The following PRKAG2 variants were observed in gnomAD, a reference collection of about 807,000 sequenced individuals.
PRKAG2 encodes the protein protein kinase AMP-activated non-catalytic subunit gamma 2.
A neutral mutation model predicts 69.6 loss-of-function variants in PRKAG2; 26 were observed. That is an observed-to-expected ratio of 0.37 (90% confidence interval 0.27 to 0.52). The LOEUF is 0.52. PRKAG2 is among the 20% of genes least tolerant of loss of function. The pLI, the probability that PRKAG2 is intolerant of heterozygous loss-of-function variation, is 0.90. For missense variants in PRKAG2, 557 were observed against 740.0 expected, an observed-to-expected ratio of 0.75 and a Z score of 2.87; for synonymous variants, 293 against 285.0, an observed-to-expected ratio of 1.03 and a Z score of -0.28.
chr7:151,600,945 G>C (rs148339390), intron 5 of PRKAG2, among the ~76,000 whole-genome samples: 2 of 152,168 alleles, frequency 1.3e-5, no homozygotes, highest in Non-Finnish European at 2.9e-5. Flanking sequence ...TGAGGAAACC[G>C]AGGCTAGGAG....
intron 1 of PRKAG2, among the ~76,000 whole-genome samples, chr7:151,808,232 A>G (rs2078222590): frequency 6.6e-6 from 1 of 152,254 alleles, no homozygotes; most frequent in South Asian, 2.1e-4. Context: ...GTTTGTCGAC[A>G]GTATTCCAGA....
intron 3 of PRKAG2, among the ~76,000 whole-genome samples, chr7:151,738,598 T>C (rs1353691104): frequency 6.6e-6 from 1 of 152,286 alleles, no homozygotes; most frequent in Non-Finnish European, 1.5e-5. Context: ...AACAATAGCA[T>C]GAGCGATCTG....
At chr7:151,865,715 G>T (rs1022996126) in intron 1 of PRKAG2, among the ~76,000 whole-genome samples, 12 of 152,224 alleles carry the variant, frequency 7.9e-5, no homozygotes, top group Admixed American at 5.2e-4. Flanking sequence ...ACCAGAGACT[G>T]GAACCTATGA....
Position 151,632,275 on chromosome 7 carries a change from A to T in PRKAG2, c.685-137T>A. The T allele has an allele frequency of 3.0e-6, 3 of 1,010,806 alleles. No homozygotes were observed. The highest frequency in any genetic ancestry group is 3.5e-6 in the Non-Finnish European group (3 of 845,710). 62.6% of individuals were successfully genotyped at this position (1,010,806 alleles called of 1,614,324 possible). On this transcript the variant is annotated intron_variant, in intron 4 of 15. Transcript: ENST00000287878. The surrounding 1 kb of genome is among the most constrained non-coding windows in gnomAD (Gnocchi z 4.2). The stretch of plus-strand genomic sequence containing the variant: ...GAGGGGCCTGGCAGGGGACGCGGGC[A>T]GCGGGGGCCGGGGGCGGAGCGGGAG...
chr7:151,685,937 A>G (rs1035938826), intron 3 of PRKAG2, among the ~76,000 whole-genome samples: 3 of 152,200 alleles, frequency 2.0e-5, no homozygotes, highest in African/African-American at 7.2e-5. Flanking sequence ...TGTCTTGAAT[A>G]GCTGGCTTAA....
intron 1 of PRKAG2, among the ~76,000 whole-genome samples, chr7:151,875,524 C>T (rs1353415245): frequency 6.6e-6 from 1 of 151,602 alleles, no homozygotes; most frequent in East Asian, 1.9e-4. Flanking sequence ...CCCACCCTGC[C>T]CCGGGAGAGC....
intron 3 of PRKAG2, among the ~76,000 whole-genome samples, chr7:151,735,400 C>G (rs1799614117): frequency 6.6e-6 from 1 of 152,132 alleles, no homozygotes; most frequent in East Asian, 1.9e-4. Context: ...CCAGGGAGAC[C>G]ACAATGCAAG....
At chr7:151,768,172 AAGG>A (rs1017044580) in intron 3 of PRKAG2, among the ~76,000 whole-genome samples, 1 of 152,148 alleles carries the variant, frequency 6.6e-6, no homozygotes, top group Non-Finnish European at 1.5e-5. Context: ...AGCCATCATC[AAGG>A]AGGAGGTTTC....
chr7:151,695,492 G>A (rs1209054439), intron 3 of PRKAG2, among the ~76,000 whole-genome samples: 1 of 152,200 alleles, frequency 6.6e-6, no homozygotes, highest in African/African-American at 2.4e-5. Context: ...ACTTTCTCGT[G>A]TGGGTGCCCT....
rs567553733 is a variant in PRKAG2 at position 151,865,888 on chromosome 7, C to T, written c.114+10619G>A. ...ACAAAAAATTAGCTGGGTGTGGTGGCGGGCGCCCGTAGACCCAGCTACTCG... is the reference window on the plus strand; with the variant it reads ...ACAAAAAATTAGCTGGGTGTGGTGGTGGGCGCCCGTAGACCCAGCTACTCG... On this transcript the variant is annotated intron_variant, in intron 1 of 15. Coordinates refer to ENST00000287878, the MANE Select transcript of PRKAG2 (RefSeq NM_016203.4). Among the ~76,000 whole-genome samples, 228 of 151,984 alleles carry T rather than the reference C, an allele frequency of 1.5e-3. 2 individuals carry two copies. Among genetic ancestry groups the T allele is most frequent in the African/African-American group, 4.8e-3 (200 of 41,464 alleles).
chr7:151,654,587 C>A (rs1384478426), intron 4 of PRKAG2, among the ~76,000 whole-genome samples: 1 of 152,180 alleles, frequency 6.6e-6, no homozygotes, highest in Non-Finnish European at 1.5e-5. Context: ...TGTCATTTTT[C>A]TCCTGTGCTT....
At chr7:151,655,473 G>C (rs1446676235) in intron 4 of PRKAG2, among the ~76,000 whole-genome samples, 1 of 152,274 alleles carries the variant, frequency 6.6e-6, no homozygotes, top group East Asian at 1.9e-4. Context: ...CTAAAACTCA[G>C]TTTCCAAGGG....
intron 5 of PRKAG2, among the ~76,000 whole-genome samples, chr7:151,596,880 T>C (rs1051555036): frequency 6.6e-6 from 1 of 152,084 alleles, no homozygotes; most frequent in Non-Finnish European, 1.5e-5. Context: ...ACAGATTCAA[T>C]GCAATGCCTA....
chr7:151,870,197 G>GCAGGCAGA lies in PRKAG2; in HGVS notation c.114+6309_114+6310insTCTGCCTG, dbSNP rs1441988637. ...GGCAGGCAGGCAGGCAGGCAGGCAG[G>GCAGGCAGA]CAGACAGAGGAATAACTCATGGGGG... is the stretch of plus-strand genomic sequence containing the variant. On this transcript the variant is annotated intron_variant, in intron 1 of 15. Transcript: ENST00000287878. Among the ~76,000 whole-genome samples the GCAGGCAGA allele has an allele frequency of 1.4e-4, 20 of 143,958 alleles. No homozygotes were observed. The East Asian group carries it at 3.3e-3, about 23-fold the overall frequency. 94.4% of individuals were successfully genotyped at this position (143,958 alleles called of 152,430 possible).
chr7:151,816,196 G>A (rs4726101), intron 1 of PRKAG2, among the ~76,000 whole-genome samples: 71,479 of 152,012 alleles, frequency 0.47, 17,159 homozygotes, highest in South Asian at 0.62. Context: ...GAGGGTACCA[G>A]GCAATCCAGC....
At chr7:151,619,331 C>T (rs1276775463) in intron 5 of PRKAG2, among the ~76,000 whole-genome samples, 3 of 152,202 alleles carry the variant, frequency 2.0e-5, no homozygotes, top group Non-Finnish European at 4.4e-5. Context: ...TGAGACCCAC[C>T]TTGGCAGGTA....
At chr7:151,590,370 G>C (rs1033340052) in intron 6 of PRKAG2, among the ~76,000 whole-genome samples, 3 of 152,222 alleles carry the variant, frequency 2.0e-5, no homozygotes, top group Non-Finnish European at 4.4e-5. Flanking sequence ...ATAACTCTGC[G>C]GGGTGTGGAT....
chr7:151,715,085 G>A (rs1203701199), intron 3 of PRKAG2, among the ~76,000 whole-genome samples: 6 of 143,154 alleles, frequency 4.2e-5, no homozygotes, highest in Non-Finnish European at 6.1e-5. Context: ...GTGTGATCCC[G>A]ACTCACTGCA....
At position 151,726,100 on chromosome 7, in the gene PRKAG2, G is replaced by T. The variant is rs757782143; in HGVS notation, c.467-50463C>A. 2.6e-5 allele frequency among the ~76,000 whole-genome samples: 4 copies of T among 152,112 alleles called. No individual in the cohort carries two copies. The East Asian group carries it at 7.7e-4, about 29-fold the overall frequency. On this transcript the variant is annotated intron_variant, in intron 3 of 15. Transcript: ENST00000287878. The stretch of plus-strand genomic sequence containing the variant: ...CTCCCTCTCCACAGGGGTCCCACCT[G>T]CTATCTTCATGGTGTGTCCTTCACA...
Sources: gnomAD v4.1 joint callset for allele counts (sites outside exome capture counted in the v4.1 genomes callset) on GRCh38, gnomAD v4.1.1 for gene constraint, Gnocchi (gnomAD v3.1) non-coding constraint, MANE v1.5 for transcripts, NCBI Gene and HGNC (gene_info 2026-07-23, HGNC 2026-07-21) for gene names.